The following BPIFB1 variants were observed in gnomAD, a reference collection of about 807,000 sequenced individuals.
BPIFB1 encodes the protein BPI fold-containing family B member 1.
In BPIFB1, 34 loss-of-function variants were observed where a neutral mutation model predicts 55.1. The observed-to-expected ratio is 0.62, with a 90% confidence interval of 0.47 to 0.82. The LOEUF is 0.82. Among genes scored for constraint, BPIFB1 ranks in the 40% least tolerant of loss-of-function variants. The pLI is 0.00. For missense variants in BPIFB1, 532 were observed against 593.1 expected, an observed-to-expected ratio of 0.90 and a Z score of 1.07; for synonymous variants, 236 against 245.3, an observed-to-expected ratio of 0.96 and a Z score of 0.35.
At chr20:33,286,262 A>G in intron 2 of BPIFB1, 74 bp downstream of exon 2, 1 of 1,305,730 alleles carries the variant, frequency 7.7e-7, no homozygotes. Flanking sequence ...AAGGAGGGAG[A>G]GAGTTCCTCA....
At chr20:33,283,371 G>C (rs919408415) in intron 1 of BPIFB1, 117 bp downstream of exon 1, 1 of 152,602 alleles carries the variant, frequency 6.6e-6, no homozygotes, top group African/African-American at 2.4e-5. Context: ...AGGGCCCTCG[G>C]TGAGTCAGGA....
At chr20:33,291,588 T>C (rs1038837296) in intron 5 of BPIFB1, among the ~76,000 whole-genome samples, 3 of 152,222 alleles carry the variant, frequency 2.0e-5, no homozygotes, top group African/African-American at 7.2e-5. Flanking sequence ...CTCAGAACAG[T>C]GCACGCGCAT....
intron 7 of BPIFB1, chr20:33,299,016 T>A (rs1980753156): frequency 6.6e-6 from 2 of 301,794 alleles, no homozygotes; most frequent in Non-Finnish European, 1.4e-5. Flanking sequence ...TTTCTTTTTT[T>A]AAAGTAATTT....
rs1276228610 is a variant in BPIFB1 at position 33,309,369 on chromosome 20, T to G, written c.1396-339T>G. Among the ~76,000 whole-genome samples, 1 of 152,178 alleles carries G rather than the reference T, an allele frequency of 6.6e-6. No homozygotes were observed. Among genetic ancestry groups the G allele is most frequent in the African/African-American group, 2.4e-5 (1 of 41,440 alleles). ...TGGACACCTTACTGTCATTAGCTCATGCAGAGGAGGGGCCCAAAGCAGGGG... is the reference window on the plus strand; with the variant it reads ...TGGACACCTTACTGTCATTAGCTCAGGCAGAGGAGGGGCCCAAAGCAGGGG... On this transcript the variant is annotated intron_variant, in intron 15 of 15. Coordinates refer to ENST00000253354, the MANE Select transcript of BPIFB1 (RefSeq NM_033197.3). This position sits in a 1 kb window ranked among gnomAD's most constrained non-coding sequence, Gnocchi z 4.4.
chr20:33,287,624 G>T (rs1980311336), intron 2 of BPIFB1, among the ~76,000 whole-genome samples: 1 of 152,206 alleles, frequency 6.6e-6, no homozygotes, highest in Non-Finnish European at 1.5e-5. Context: ...GGAGAAGTTT[G>T]CTGGCTTGTC....
intron 4 of BPIFB1, 38 bp downstream of exon 4, chr20:33,290,030 G>C: frequency 6.6e-7 from 1 of 1,512,318 alleles, no homozygotes; most frequent in Non-Finnish European, 9.2e-7. Flanking sequence ...AGGCTTGACA[G>C]GCTCATCTGC....
At chr20:33,295,905 A>AGGAAGG (rs1199405975) in intron 6 of BPIFB1, among the ~76,000 whole-genome samples, 1 of 131,980 alleles carries the variant, frequency 7.6e-6, no homozygotes, top group Non-Finnish European at 1.6e-5. Flanking sequence ...GAAGGAAGGA[A>AGGAAGG]GGAAGGGGAA....
chr20:33,302,771 C>A, intron 10 of BPIFB1, 145 bp from the exon 11 acceptor site: 1 of 887,328 alleles, frequency 1.1e-6, no homozygotes, highest in Non-Finnish European at 1.7e-6. Flanking sequence ...ACACAACATT[C>A]AAGGATCTGC....
chr20:33,294,509 C>T (rs1980570417), intron 6 of BPIFB1, among the ~76,000 whole-genome samples: 1 of 152,096 alleles, frequency 6.6e-6, no homozygotes, highest in African/African-American at 2.4e-5. Context: ...TGAAAAACTT[C>T]ATAACATTGG....
chr20:33,301,138 G>A, intron 8 of BPIFB1, 95 bp from the exon 9 acceptor site: 8 of 1,291,318 alleles, frequency 6.2e-6, no homozygotes, highest in Non-Finnish European at 7.5e-6. Context: ...TGCACAAAAA[G>A]GAAACAGGCT....
rs766643456 is a variant in BPIFB1, at chr20:33,306,034, C to G, written c.1287C>G (p.Ile429Met). Reference protein sequence around the residue: ...PDVLKNIITEIIHSILLPNQN... With the variant: ...PDVLKNIITEMIHSILLPNQN... ...TTCTGAAAAACATCATCACTGAGATCATCCACTCCATCCTGCTGCCGAACC... is the reference window on the plus strand; with the variant it reads ...TTCTGAAAAACATCATCACTGAGATGATCCACTCCATCCTGCTGCCGAACC... The change falls in exon 14 of 16, where the codon ATC (isoleucine) becomes ATG (methionine). Residue 429 changes from isoleucine (I) to methionine (M), a missense_variant. Physicochemically the swap from Ile to Met is conservative, Grantham distance 10. Coordinates refer to ENST00000253354, the MANE Select transcript of BPIFB1 (RefSeq NM_033197.3). The G allele has an allele frequency of 6.2e-7, 1 of 1,614,168 alleles. No homozygotes were observed. The highest frequency in any genetic ancestry group is 8.5e-7 in the Non-Finnish European group (1 of 1,180,030).
chr20:33,306,065 G>T lies in BPIFB1; in HGVS notation c.1318G>T (p.Gly440Cys). The change falls in exon 14 of 16, where the codon GGC becomes TGC. Residue 440 changes from glycine to cysteine, a missense_variant and splice_region_variant. Transcript: ENST00000253354. The stretch of plus-strand genomic sequence containing the variant: ...CTCCATCCTGCTGCCGAACCAGAAT[G>T]GTGCATACCTCTGCCATCTGTGCCC... ...IHSILLPNQN[G>C]KLRSGVPVSL... 1 of 1,614,066 alleles carries T rather than the reference G, an allele frequency of 6.2e-7. No homozygotes were observed.
At chr20:33,288,163 T>G (rs1980333123) in intron 2 of BPIFB1, among the ~76,000 whole-genome samples, 1 of 152,166 alleles carries the variant, frequency 6.6e-6, no homozygotes, top group Non-Finnish European at 1.5e-5. Flanking sequence ...CTCCAGCACT[T>G]CTGACCTGCT....
At chr20:33,297,452 G>A in intron 6 of BPIFB1, 73 bp from the exon 7 acceptor site, 2 of 1,522,498 alleles carry the variant, frequency 1.3e-6, no homozygotes, top group Admixed American at 1.7e-5. Context: ...GGTGGGCTGG[G>A]CACAGCCCGG....
At position 33,306,934 on chromosome 20, in the gene BPIFB1, G is replaced by C. The variant is rs750058943; in HGVS notation, c.1342G>C (p.Val448Leu). The change falls in exon 15 of 16, where the codon GTG becomes CTG. Residue 448 changes from valine to leucine, a missense_variant. Physicochemically the swap from Val to Leu is conservative, Grantham distance 32. Coordinates refer to ENST00000253354, the MANE Select transcript of BPIFB1 (RefSeq NM_033197.3). The stretch of plus-strand genomic sequence containing the variant: ...AGGCAAATTAAGATCTGGGGTCCCA[G>C]TGTCATTGGTGAAGGCCTTGGGATT... Reference protein sequence around the residue: ...QNGKLRSGVPVSLVKALGFEA... With the variant: ...QNGKLRSGVPLSLVKALGFEA... 1 of 1,614,170 alleles carries C rather than the reference G, an allele frequency of 6.2e-7. No homozygotes were observed. Among genetic ancestry groups the C allele is most frequent in the South Asian group, 1.1e-5 (1 of 91,092 alleles).
intron 3 of BPIFB1, 70 bp from the exon 4 acceptor site, chr20:33,289,815 A>T: frequency 7.0e-7 from 1 of 1,427,862 alleles, no homozygotes; most frequent in South Asian, 1.2e-5. Context: ...GATGGAAAAG[A>T]TAGAGAGGGA....
In BPIFB1 at chr20:33,288,867, T is replaced by C. The variant is rs1446304272; in HGVS notation, c.242T>C (p.Leu81Pro). 1 of 1,613,592 alleles carries C rather than the reference T, an allele frequency of 6.2e-7. No homozygotes were observed. The highest frequency in any genetic ancestry group is 8.5e-7 in the Non-Finnish European group (1 of 1,179,940). Residue 81 changes from leucine (L) to proline (P), a missense_variant, in exon 3 of 16, where the codon CTG (leucine) becomes CCG (proline). Leu to Pro is a moderately conservative substitution (Grantham distance 98). Coordinates refer to ENST00000253354, the MANE Select transcript of BPIFB1 (RefSeq NM_033197.3). ...CTGGGCAGCCTGGTGAACACCGTCC[T>C]GAAGCACATCATCTGGTGAGTGGAG... Reference protein sequence around the residue: ...PVLGSLVNTVLKHIIWLKVIT... With the variant: ...PVLGSLVNTVPKHIIWLKVIT...
intron 6 of BPIFB1, 87 bp downstream of exon 6, chr20:33,292,075 G>A (rs1305072945): frequency 4.1e-6 from 5 of 1,215,596 alleles, no homozygotes; most frequent in Non-Finnish European, 6.1e-6. Context: ...CTAAGTGACT[G>A]GAGTCTCCTT....
At chr20:33,285,537 C>G (rs1000547284) in intron 1 of BPIFB1, among the ~76,000 whole-genome samples, 17 of 151,318 alleles carry the variant, frequency 1.1e-4, no homozygotes, top group Non-Finnish European at 1.8e-4. Context: ...CACGGTGAAA[C>G]CCCGTCTCTA....
Sources: allele counts gnomAD v4.1 joint callset (sites outside exome capture counted in the v4.1 genomes callset), GRCh38; gene constraint gnomAD v4.1.1; non-coding constraint Gnocchi (gnomAD v3.1); transcripts MANE v1.5; gene names NCBI Gene and HGNC (gene_info 2026-07-23, HGNC 2026-07-21).